NALCN: variants seen among roughly 807,000 people sequenced by gnomAD.
NALCN encodes sodium leak channel, non-selective, also known as sodium leak channel NALCN.
A neutral mutation model predicts 225.3 loss-of-function variants in NALCN; 111 were observed. That is an observed-to-expected ratio of 0.49 (90% CI 0.42 to 0.58). The LOEUF is 0.58. Among genes scored for constraint, NALCN ranks in the 20% least tolerant of loss-of-function variants. The pLI is 0.00. For synonymous variants in NALCN, 764 were observed against 769.0 expected (o/e 0.99, Z 0.11); for missense variants, 1,378 against 2,202.4 (o/e 0.63, Z 7.49).
At chr13:101,189,482 G>A (rs936880703) in intron 14 of NALCN, among the ~76,000 whole-genome samples, 2 of 152,200 alleles carry the variant, frequency 1.3e-5, no homozygotes, top group Non-Finnish European at 2.9e-5. Context: ...TTAACTCGCA[G>A]ATACATGACA....
At chr13:101,258,085 G>C (rs532453331) in intron 11 of NALCN, among the ~76,000 whole-genome samples, 7 of 152,228 alleles carry the variant, frequency 4.6e-5, no homozygotes, top group African/African-American at 1.4e-4. Flanking sequence ...GCTTATTTAT[G>C]ATCTTCTGAA....
At chr13:101,117,598 T>C (rs911471012) in intron 18 of NALCN, among the ~76,000 whole-genome samples, 1 of 152,244 alleles carries the variant, frequency 6.6e-6, no homozygotes, top group African/African-American at 2.4e-5. Context: ...CAGAATGCCA[T>C]ATAGTTAGAA....
chr13:101,177,660 C>G (rs1376266545), intron 14 of NALCN, among the ~76,000 whole-genome samples: 2 of 151,852 alleles, frequency 1.3e-5, no homozygotes, highest in Non-Finnish European at 2.9e-5. Context: ...ACGCTGTAGT[C>G]CCTCTTCAAC....
At chr13:101,399,716 A>G (rs1288627955) in intron 1 of NALCN, among the ~76,000 whole-genome samples, 1 of 152,220 alleles carries the variant, frequency 6.6e-6, no homozygotes. Flanking sequence ...ATGTTGTTTT[A>G]TGAATGCAGT....
intron 17 of NALCN, among the ~76,000 whole-genome samples, chr13:101,125,958 C>T (rs2036208012): frequency 6.6e-6 from 1 of 152,146 alleles, no homozygotes; most frequent in South Asian, 2.1e-4. Flanking sequence ...AGAAAACCCT[C>T]AGAAGACAGA....
chr13:101,245,818 C>T (rs1401531665), intron 11 of NALCN, among the ~76,000 whole-genome samples: 3 of 152,258 alleles, frequency 2.0e-5, no homozygotes, highest in South Asian at 2.1e-4. Flanking sequence ...CTTTTCTGTG[C>T]GGCAGATGGA....
chr13:101,265,381 T>C (rs75114934), intron 10 of NALCN, among the ~76,000 whole-genome samples: 55 of 152,296 alleles, frequency 3.6e-4, no homozygotes, highest in Non-Finnish European at 7.9e-4. Flanking sequence ...TCTTGCTTTG[T>C]GTCCAAAAGT....
intron 37 of NALCN, among the ~76,000 whole-genome samples, chr13:101,073,316 T>C (rs1009822539): frequency 6.6e-6 from 1 of 152,060 alleles, no homozygotes; most frequent in African/African-American, 2.4e-5. Flanking sequence ...TACCAAAATA[T>C]TAAAGATGGG....
chr13:101,131,526 C>A (rs550223938), intron 17 of NALCN, among the ~76,000 whole-genome samples: 12 of 152,232 alleles, frequency 7.9e-5, no homozygotes, highest in East Asian at 1.9e-4. Flanking sequence ...CTCCTCCCCC[C>A]ACAAATTTTG....
intron 6 of NALCN, among the ~76,000 whole-genome samples, chr13:101,356,189 T>C (rs1467893357): frequency 6.6e-6 from 1 of 151,600 alleles, no homozygotes; most frequent in East Asian, 1.9e-4. Context: ...AAGAAATAAC[T>C]AAGATCAGAG....
intron 7 of NALCN, among the ~76,000 whole-genome samples, chr13:101,309,986 G>A (rs979765044): frequency 7.2e-5 from 11 of 152,134 alleles, no homozygotes; most frequent in African/African-American, 1.2e-4. Flanking sequence ...AGAAGCTTTA[G>A]AATGATCTTT....
intron 11 of NALCN, 150 bp from the exon 12 acceptor site, chr13:101,238,072 GC>G (rs2041627491): frequency 1.6e-6 from 1 of 610,972 alleles, no homozygotes; most frequent in Non-Finnish European, 2.8e-6. Context: ...CTTTAAGAAT[GC>G]ATTTGAAACA....
intron 30 of NALCN, among the ~76,000 whole-genome samples, chr13:101,087,215 T>C (rs1340303906): frequency 6.6e-6 from 1 of 152,192 alleles, no homozygotes; most frequent in Non-Finnish European, 1.5e-5. Flanking sequence ...TTTTGCATGA[T>C]TCTGAATTGT....
chr13:101,290,829 G>C (rs1307256138), intron 9 of NALCN, among the ~76,000 whole-genome samples: 1 of 152,124 alleles, frequency 6.6e-6, no homozygotes, highest in Non-Finnish European at 1.5e-5. Context: ...TTACAAAGTT[G>C]TTAAATATCC....
chr13:101,259,732 G>GTATATATATATATATA (rs35199456), intron 10 of NALCN, among the ~76,000 whole-genome samples: 2,009 of 119,084 alleles, frequency 0.017, 21 homozygotes, highest in African/African-American at 0.027. Context: ...CATAGTAAGT[G>GTATATATATATATATA]TATATATATA....
intron 9 of NALCN, among the ~76,000 whole-genome samples, chr13:101,284,809 C>T (rs1304249845): frequency 2.0e-5 from 3 of 152,114 alleles, no homozygotes; most frequent in Non-Finnish European, 4.4e-5. Flanking sequence ...CCTATTATCT[C>T]CTAGGTATCA....
At chr13:101,182,133 C>CAAAAAAAAAAA (rs34387567) in intron 14 of NALCN, among the ~76,000 whole-genome samples, 1 of 73,450 alleles carries the variant, frequency 1.4e-5, no homozygotes. Context: ...GACTCCATCT[C>CAAAAAAAAAAA]AAAAAAAAAA....
chr13:101,319,560 C>T lies in NALCN; in HGVS notation c.799+25706G>A, dbSNP rs184773176. On this transcript the variant is annotated intron_variant, in intron 7 of 43. Transcript: ENST00000251127. Reference sequence around the variant, plus strand: ...TTTGATTACATGTTTTTAGAAGATACGTAAACCATGATTTTGAAGTGATTT... The same window carrying T: ...TTTGATTACATGTTTTTAGAAGATATGTAAACCATGATTTTGAAGTGATTT... 1.3e-4 allele frequency among the ~76,000 whole-genome samples: 20 copies of T among 152,202 alleles called. No homozygotes were observed. In the East Asian group the frequency reaches 2.7e-3, roughly 21 times the overall value.
intron 1 of NALCN, among the ~76,000 whole-genome samples, chr13:101,406,167 A>T (rs1404520223): frequency 2.7e-5 from 4 of 149,856 alleles, no homozygotes; most frequent in Non-Finnish European, 5.9e-5. Context: ...AAAAAAAAAA[A>T]TACAAAAAAT....
Sources: allele counts gnomAD v4.1 joint callset (sites outside exome capture counted in the v4.1 genomes callset), GRCh38; gene constraint gnomAD v4.1.1; transcripts MANE v1.5; gene names NCBI Gene and HGNC (gene_info 2026-07-23, HGNC 2026-07-21).